NRIP1: variants seen among roughly 807,000 people sequenced by gnomAD.
NRIP1 encodes the protein nuclear receptor interacting protein 1.
Under a neutral mutation model 75.0 loss-of-function variants are expected in NRIP1, and 28 were observed. The ratio of observed to expected loss-of-function variants is 0.37; its 90% CI spans 0.28 to 0.51. The LOEUF (loss-of-function observed/expected upper bound fraction) is 0.51, where lower values mean the gene tolerates loss of function less well. Among genes scored for constraint, NRIP1 ranks in the 20% least tolerant of loss-of-function variants. The pLI is 0.92. For missense variants in NRIP1, 1,435 were observed against 1,343.7 expected, an observed-to-expected ratio of 1.07 and a Z score of -1.06; for synonymous variants, 526 against 487.6, an observed-to-expected ratio of 1.08 and a Z score of -1.04.
intron 3 of NRIP1, among the ~76,000 whole-genome samples, chr21:15,010,640 T>C (rs1024152548): frequency 3.3e-5 from 5 of 152,240 alleles, no homozygotes; most frequent in Admixed American, 2.0e-4. Flanking sequence ...TACTTTTCTA[T>C]GTTCATTATG....
intron 2 of NRIP1, among the ~76,000 whole-genome samples, chr21:15,035,105 AATCTTAG>A (rs2088801112): frequency 1.3e-5 from 2 of 152,168 alleles, no homozygotes; most frequent in African/African-American, 4.8e-5. Context: ...CTCAAATATA[AATCTTAG>A]GATTCTAAAG....
At chr21:14,974,073 TAATA>T (rs1181654865) in intron 3 of NRIP1, 1 of 152,086 alleles carries the variant, frequency 6.6e-6, no homozygotes, top group Non-Finnish European at 1.5e-5. Context: ...GACATTTTAT[TAATA>T]TTTAAGTTAA....
intron 3 of NRIP1, among the ~76,000 whole-genome samples, chr21:14,996,336 G>A (rs1391759933): frequency 1.3e-5 from 2 of 152,072 alleles, no homozygotes; most frequent in Non-Finnish European, 2.9e-5. Context: ...CAGCTACACA[G>A]ACTTCTCTGG....
chr21:15,016,321 AC>A (rs1555886455), intron 2 of NRIP1, among the ~76,000 whole-genome samples: 4 of 152,198 alleles, frequency 2.6e-5, no homozygotes, highest in Non-Finnish European at 2.9e-5. Context: ...TGTGATTCAC[AC>A]ATCAACTTAA....
chr21:15,019,988 G>T (rs185091156), intron 2 of NRIP1, among the ~76,000 whole-genome samples: 1 of 152,064 alleles, frequency 6.6e-6, no homozygotes, highest in Admixed American at 6.5e-5. Flanking sequence ...GGAAATTAAA[G>T]AAGACTTGTT....
chr21:14,968,751 G>A (rs2086828949), intron 3 of NRIP1, among the ~76,000 whole-genome samples: 1 of 152,114 alleles, frequency 6.6e-6, no homozygotes, highest in African/African-American at 2.4e-5. Flanking sequence ...CTGTTAAAAT[G>A]ATCAAATCAT....
chr21:15,052,440 C>T (rs1236861434), intron 1 of NRIP1: 1 of 152,148 alleles, frequency 6.6e-6, no homozygotes, highest in African/African-American at 2.4e-5. Flanking sequence ...CACATCAAAA[C>T]TTCCTATCCT....
chr21:15,030,873 G>GTATACACTC (rs2147255900), intron 2 of NRIP1, among the ~76,000 whole-genome samples: 4 of 147,240 alleles, frequency 2.7e-5, no homozygotes, highest in Admixed American at 2.7e-4. Context: ...CCTTCTATGT[G>GTATACACTC]TGTACACTCT....
chr21:15,035,748 AG>A (rs1452148008), intron 2 of NRIP1, among the ~76,000 whole-genome samples: 2 of 151,760 alleles, frequency 1.3e-5, no homozygotes, highest in African/African-American at 4.8e-5. Context: ...AGTAGGGACG[AG>A]GTTTCACTGT....
chr21:15,007,848 G>C (rs962600363), intron 3 of NRIP1, among the ~76,000 whole-genome samples: 2 of 152,150 alleles, frequency 1.3e-5, no homozygotes, highest in African/African-American at 4.8e-5. Flanking sequence ...CATTCTATCA[G>C]CTTCATGTTT....
At chr21:14,970,196 T>C (rs2086865067) in intron 3 of NRIP1, among the ~76,000 whole-genome samples, 1 of 152,178 alleles carries the variant, frequency 6.6e-6, no homozygotes, top group Admixed American at 6.6e-5. Context: ...TACGGGTACA[T>C]TTTACAACTG....
chr21:15,017,997 T>G (rs1042155622), intron 2 of NRIP1, among the ~76,000 whole-genome samples: 1 of 152,180 alleles, frequency 6.6e-6, no homozygotes, highest in Non-Finnish European at 1.5e-5. Flanking sequence ...ACTCTAACAT[T>G]AATACTTAAA....
rs1433152068 is a variant in NRIP1 at position 14,962,037 on chromosome 21, ATATAT to A, written c.*2674_*2678del. The A allele has an allele frequency of 4.1e-5, 6 of 145,422 alleles. No homozygotes were observed. The highest frequency in any genetic ancestry group is 3.5e-4 in the Admixed American group (5 of 14,474). 9.0% of individuals were successfully genotyped at this position (145,422 alleles called of 1,614,324 possible). On this transcript the variant is annotated 3_prime_UTR_variant, in exon 4 of 4. Coordinates refer to ENST00000318948, the MANE Select transcript of NRIP1 (RefSeq NM_003489.4). ...ATATTATATATATATATATATATAT[ATATAT>A]AAAATATATACTCTCACCAGTTTAC...
rs371730937 is a variant in NRIP1, at chr21:14,966,487, G to C, written c.1706C>G (p.Ser569Cys). 2 of 1,614,134 alleles carry C rather than the reference G, an allele frequency of 1.2e-6. No homozygotes were observed. The highest frequency in any genetic ancestry group is 2.7e-5 in the African/African-American group (2 of 75,040). Residue 569 changes from serine to cysteine, a missense_variant, in exon 4 of 4, where the codon TCT becomes TGT. Physicochemically the swap from Ser to Cys is moderately radical, Grantham distance 112. Coordinates refer to ENST00000318948, the MANE Select transcript of NRIP1 (RefSeq NM_003489.4). ...SSKAGSPINL[S>C]QHSLVIKWNS... ...CCATTTGATGACCAGAGAGTGTTGA[G>C]AGAGATTGATGGGAGACCCTGCTTT...
At chr21:14,971,321 T>C (rs1419886070) in intron 3 of NRIP1, 1 of 152,114 alleles carries the variant, frequency 6.6e-6, no homozygotes, top group Non-Finnish European at 1.5e-5. Context: ...TCTCTCACTC[T>C]CAAAAAATAT....
At chr21:15,040,479 C>T (rs1168578409) in intron 2 of NRIP1, among the ~76,000 whole-genome samples, 2 of 151,924 alleles carry the variant, frequency 1.3e-5, no homozygotes, top group African/African-American at 2.4e-5. Flanking sequence ...ATTTTAATCA[C>T]CAGAATAATA....
At position 15,048,750 on chromosome 21, in the gene NRIP1, G is replaced by A. The variant is rs2089140819; in HGVS notation, c.-537-5176C>T. Among the ~76,000 whole-genome samples the A allele has an allele frequency of 2.0e-5, 3 of 152,130 alleles. No homozygotes were observed. In the South Asian group the frequency reaches 6.2e-4, roughly 32 times the overall value. On this transcript the variant is annotated intron_variant, in intron 1 of 3. Transcript: ENST00000318948. ...TAAGATGATAGGCAATACCTTAATT[G>A]CATTCATTTACATGACTCTGAAACT...
At chr21:14,970,022 C>G (rs1317780199) in intron 3 of NRIP1, among the ~76,000 whole-genome samples, 1 of 152,158 alleles carries the variant, frequency 6.6e-6, no homozygotes, top group African/African-American at 2.4e-5. Flanking sequence ...ACCAAATATC[C>G]ATTCTCCCAT....
chr21:15,006,594 GTATT>G (rs1257678311), intron 3 of NRIP1, among the ~76,000 whole-genome samples: 5 of 152,166 alleles, frequency 3.3e-5, no homozygotes, highest in Admixed American at 2.6e-4. Flanking sequence ...TTTAGTGTAA[GTATT>G]TAGTGTTAAG....
Sources: allele counts gnomAD v4.1 joint callset (sites outside exome capture counted in the v4.1 genomes callset), GRCh38; gene constraint gnomAD v4.1.1; transcripts MANE v1.5; gene names NCBI Gene and HGNC (gene_info 2026-07-23, HGNC 2026-07-21).